WWOX: variants seen among roughly 807,000 people sequenced by gnomAD.
WWOX encodes WW domain containing oxidoreductase, also known as WW domain-containing oxidoreductase.
A neutral mutation model predicts 46.2 loss-of-function variants in WWOX; 69 were observed. The ratio of observed to expected loss-of-function variants is 1.49; its 90% CI spans 1.23 to 1.82. The LOEUF (loss-of-function observed/expected upper bound fraction) is 1.82, where lower values mean the gene tolerates loss of function less well. WWOX is among the 40% of genes most tolerant of loss of function. The pLI is 0.00. For synonymous variants in WWOX, 359 were observed against 202.6 expected (o/e 1.77, Z -6.56); for missense variants, 919 against 542.6 (o/e 1.69, Z -6.89).
intron 8 of WWOX, among the ~76,000 whole-genome samples, chr16:78,660,477 A>T (rs77096672): frequency 1.3e-3 from 193 of 152,294 alleles, no homozygotes; most frequent in Non-Finnish European, 1.6e-3. Flanking sequence ...GGGTGGGCAT[A>T]TAATGAGTAA....
At chr16:78,907,541 C>A (rs1567640764) in intron 8 of WWOX, among the ~76,000 whole-genome samples, 1 of 152,092 alleles carries the variant, frequency 6.6e-6, no homozygotes, top group Non-Finnish European at 1.5e-5. Context: ...AAATATCCCC[C>A]CAAAGTTAGC....
chr16:78,842,260 G>C (rs899902021), intron 8 of WWOX, among the ~76,000 whole-genome samples: 1 of 151,560 alleles, frequency 6.6e-6, no homozygotes, highest in African/African-American at 2.4e-5. Flanking sequence ...TTTAGAAGCT[G>C]AGGCAGGAGG....
chr16:78,334,332 T>C (rs2080827910), intron 5 of WWOX, among the ~76,000 whole-genome samples: 1 of 152,158 alleles, frequency 6.6e-6, no homozygotes, highest in Non-Finnish European at 1.5e-5. Flanking sequence ...ATCATTTTAA[T>C]AGACCAAGCA....
At chr16:78,753,347 C>G (rs184874324) in intron 8 of WWOX, among the ~76,000 whole-genome samples, 1 of 151,948 alleles carries the variant, frequency 6.6e-6, no homozygotes, top group Admixed American at 6.6e-5. Context: ...AAGAAAGAAC[C>G]TCTTAGGCAA....
intron 5 of WWOX, among the ~76,000 whole-genome samples, chr16:78,282,636 G>A (rs528231768): frequency 3.9e-4 from 59 of 152,150 alleles, no homozygotes; most frequent in African/African-American, 1.3e-3. Context: ...CAGCACTTTG[G>A]GAGGCCTAGG....
chr16:78,413,885 G>T (rs955915633), intron 6 of WWOX, among the ~76,000 whole-genome samples: 1 of 151,758 alleles, frequency 6.6e-6, no homozygotes, highest in Non-Finnish European at 1.5e-5. Flanking sequence ...ACTTTGGGAG[G>T]CTGAGGTTGT....
At chr16:78,530,573 G>C (rs949708784) in intron 8 of WWOX, among the ~76,000 whole-genome samples, 1 of 152,092 alleles carries the variant, frequency 6.6e-6, no homozygotes, top group African/African-American at 2.4e-5. Flanking sequence ...GGTTTTTATG[G>C]GTACAGGATT....
At chr16:79,059,328 C>T (rs192265076) in intron 8 of WWOX, among the ~76,000 whole-genome samples, 36 of 152,268 alleles carry the variant, frequency 2.4e-4, no homozygotes, top group Admixed American at 7.8e-4. Flanking sequence ...TAAGTGAGCA[C>T]ATTAACTATA....
chr16:78,459,005 T>A (rs2083890513), intron 8 of WWOX, among the ~76,000 whole-genome samples: 1 of 152,238 alleles, frequency 6.6e-6, no homozygotes, highest in African/African-American at 2.4e-5. Context: ...GTTGGTCCTA[T>A]TAATTACAAC....
chr16:78,307,869 G>T (rs1161464440), intron 5 of WWOX, among the ~76,000 whole-genome samples: 1 of 152,064 alleles, frequency 6.6e-6, no homozygotes, highest in Non-Finnish European at 1.5e-5. Flanking sequence ...GCATGTTAAA[G>T]ACTGTACCTT....
intron 8 of WWOX, among the ~76,000 whole-genome samples, chr16:78,893,953 G>C (rs1275600361): frequency 1.3e-5 from 2 of 151,906 alleles, no homozygotes; most frequent in South Asian, 4.2e-4. Context: ...AGCAGATATT[G>C]TGTCTGTGAT....
rs1437327415 is a variant in WWOX, at chr16:78,161,387, T to C, written c.410-2796T>C. Among the ~76,000 whole-genome samples, 4 of 152,124 alleles carry C rather than the reference T, an allele frequency of 2.6e-5. 1 individual carries two copies. Among genetic ancestry groups the C allele is most frequent in the Admixed American group, 2.0e-4 (3 of 15,274 alleles). Reference sequence around the variant, plus strand: ...CTTTCCCTTATTTCTATCCTTTCTTTCTCTTTTTTCTTTTCCTTTTTCCTT... The same window carrying C: ...CTTTCCCTTATTTCTATCCTTTCTTCCTCTTTTTTCTTTTCCTTTTTCCTT... On this transcript the variant is annotated intron_variant, in intron 4 of 8. Transcript: ENST00000566780.
At chr16:78,917,612 C>A (rs530013721) in intron 8 of WWOX, among the ~76,000 whole-genome samples, 1 of 152,060 alleles carries the variant, frequency 6.6e-6, no homozygotes, top group African/African-American at 2.4e-5. Flanking sequence ...CAGCTGCAGC[C>A]CTTCTACTTG....
chr16:78,989,588 G>C lies in WWOX; in HGVS notation c.1057-222020G>C, dbSNP rs376506746. 3.9e-5 allele frequency among the ~76,000 whole-genome samples: 6 copies of C among 152,204 alleles called. 1 individual carries two copies. In the East Asian group the frequency reaches 9.6e-4, roughly 24 times the overall value. On this transcript the variant is annotated intron_variant, in intron 8 of 8. Transcript: ENST00000566780. ...AACTGAAAGACACAGAAAAAGACTT[G>C]TGTTTGGGGATAAATACTGAGACTG...
At chr16:78,578,384 G>A (rs1257811677) in intron 8 of WWOX, among the ~76,000 whole-genome samples, 8 of 141,746 alleles carry the variant, frequency 5.6e-5, no homozygotes, top group African/African-American at 2.1e-4. Context: ...CCGCCTCCCG[G>A]GTTCACGCCA....
chr16:78,815,652 C>G (rs865834832), intron 8 of WWOX, among the ~76,000 whole-genome samples: 20 of 152,154 alleles, frequency 1.3e-4, no homozygotes, highest in African/African-American at 3.1e-4. Flanking sequence ...AGCCATGGCT[C>G]CTTTTGCTTC....
intron 8 of WWOX, among the ~76,000 whole-genome samples, chr16:79,162,484 C>T (rs1274111301): frequency 1.3e-5 from 2 of 152,092 alleles, no homozygotes; most frequent in African/African-American, 4.8e-5. Context: ...ACTGGTGTTC[C>T]TCTAGTAGGC....
intron 8 of WWOX, among the ~76,000 whole-genome samples, chr16:78,875,042 A>G (rs1232032451): frequency 6.6e-6 from 1 of 152,102 alleles, no homozygotes. Context: ...TGAGAAAGTT[A>G]CTATTTCATT....
At chr16:79,121,893 G>GT (rs1408388741) in intron 8 of WWOX, among the ~76,000 whole-genome samples, 1 of 152,078 alleles carries the variant, frequency 6.6e-6, no homozygotes, top group Non-Finnish European at 1.5e-5. Context: ...GTGTGTTTGT[G>GT]TTTTTTTAAT....
Sources: allele counts gnomAD v4.1 joint callset (sites outside exome capture counted in the v4.1 genomes callset), GRCh38; gene constraint gnomAD v4.1.1; transcripts MANE v1.5; gene names NCBI Gene and HGNC (gene_info 2026-07-23, HGNC 2026-07-21).